The following SLC35D1 variants were observed in gnomAD, a reference collection of about 807,000 sequenced individuals.
SLC35D1 encodes nucleotide sugar transporter SLC35D1.
Under a neutral mutation model 46.7 loss-of-function variants are expected in SLC35D1, and 31 were observed. That is an observed-to-expected ratio of 0.66 (90% CI 0.50 to 0.90). The LOEUF (loss-of-function observed/expected upper bound fraction) is 0.90. Among genes scored for constraint, SLC35D1 ranks in the 40% least tolerant of loss-of-function variants. SLC35D1 has a pLI of 0.00. For synonymous variants in SLC35D1, 195 were observed against 164.6 expected, an observed-to-expected ratio of 1.18 and a Z score of -1.41; for missense variants, 397 against 426.2, an observed-to-expected ratio of 0.93 and a Z score of 0.60.
chr1:67,054,099 G>A lies in SLC35D1; in HGVS notation c.-86C>T, dbSNP rs1222974653. 5 of 1,409,838 alleles carry A rather than the reference G, an allele frequency of 3.5e-6. No individual in the cohort carries two copies. In the Admixed American group the frequency reaches 9.6e-5, roughly 27 times the overall value. The allele number at this position is 1,409,838 out of a possible 1,614,324, so 87.3% of individuals were successfully genotyped here. A position where few individuals can be genotyped will look rare whatever the true frequency, so the allele number is the denominator to read the frequency against. On this transcript the variant is annotated 5_prime_UTR_variant, in exon 1 of 12. Coordinates refer to ENST00000235345, the MANE Select transcript of SLC35D1 (RefSeq NM_015139.3). ...AGCTCCCAGGGGACTCCAGGAGTTG[G>A]GGACCGCAGACTAGGCCAGCTGCGC...
At chr1:66,984,670 C>T in the SLC35D1 span, 10 of 1,613,848 alleles carry the variant, frequency 6.2e-6, no homozygotes, top group African/African-American at 8.0e-5. Flanking sequence ...TAAGAAACCA[C>T]TTCATGCAGA....
intron 8 of SLC35D1, among the ~76,000 whole-genome samples, chr1:67,041,796 T>C (rs947458288): frequency 6.6e-6 from 1 of 152,104 alleles, no homozygotes; most frequent in African/African-American, 2.4e-5. Flanking sequence ...AAAAACAAGT[T>C]GGGAGTTAAA....
chr1:67,051,029 T>C (rs1172578634), intron 4 of SLC35D1, among the ~76,000 whole-genome samples: 9 of 152,196 alleles, frequency 5.9e-5, no homozygotes, highest in Admixed American at 2.0e-4. Flanking sequence ...TATACTTAGC[T>C]GGCAATCAAA....
At chr1:67,027,062 C>T (rs572210245) in intron 8 of SLC35D1, among the ~76,000 whole-genome samples, 1 of 152,308 alleles carries the variant, frequency 6.6e-6, no homozygotes, top group Non-Finnish European at 1.5e-5. Flanking sequence ...ATATCAATTA[C>T]TTAACAGAGT....
the SLC35D1 span, among the ~76,000 whole-genome samples, chr1:66,991,118 C>T: frequency 0.039 from 5,986 of 152,242 alleles, 148 homozygotes; most frequent in Non-Finnish European, 0.054. Flanking sequence ...GTAGTATAAA[C>T]GTGTTTTCAT....
chr1:66,982,946 C>T, the SLC35D1 span, among the ~76,000 whole-genome samples: 1 of 152,192 alleles, frequency 6.6e-6, no homozygotes, highest in Non-Finnish European at 1.5e-5. Flanking sequence ...TTGGGACTAA[C>T]CGTATAGGCT....
chr1:66,979,212 C>T, the SLC35D1 span, among the ~76,000 whole-genome samples: 1 of 152,016 alleles, frequency 6.6e-6, no homozygotes, highest in African/African-American at 2.4e-5. Context: ...ACATTTCTTT[C>T]CAGATGGGGA....
chr1:66,992,653 C>A, the SLC35D1 span, among the ~76,000 whole-genome samples: 3 of 152,208 alleles, frequency 2.0e-5, no homozygotes, highest in Non-Finnish European at 2.9e-5. Flanking sequence ...ATGGGCTTAA[C>A]CCTTGTCCAG....
chr1:67,035,101 T>C (rs1329179639), intron 8 of SLC35D1, among the ~76,000 whole-genome samples: 1 of 152,106 alleles, frequency 6.6e-6, no homozygotes, highest in East Asian at 1.9e-4. Context: ...TCCACTACTA[T>C]TCATCAGTGA....
At chr1:67,004,491 G>A (rs370176082) in intron 11 of SLC35D1, 43 bp from the exon 12 acceptor site, 72 of 1,560,532 alleles carry the variant, frequency 4.6e-5, no homozygotes, top group Non-Finnish European at 6.2e-5. Context: ...GGAAGGGAGG[G>A]TTTTAGTGTA....
chr1:67,033,122 C>T (rs1201578487), intron 8 of SLC35D1, among the ~76,000 whole-genome samples: 1 of 152,134 alleles, frequency 6.6e-6, no homozygotes, highest in Non-Finnish European at 1.5e-5. Flanking sequence ...ATATGTACCA[C>T]ATTTTCTTTA....
chr1:67,010,665 C>T (rs1471414678), intron 10 of SLC35D1, among the ~76,000 whole-genome samples: 1 of 152,096 alleles, frequency 6.6e-6, no homozygotes, highest in Non-Finnish European at 1.5e-5. Context: ...TTGAATATCT[C>T]AAATTAAAAA....
the SLC35D1 span, chr1:66,976,460 A>T: frequency 1.6e-6 from 1 of 627,182 alleles, no homozygotes; most frequent in Non-Finnish European, 2.5e-6. Context: ...CATAGCTGCT[A>T]CACTGTTGTA....
chr1:67,021,469 G>T, intron 9 of SLC35D1, 66 bp downstream of exon 9: 2 of 1,482,624 alleles, frequency 1.3e-6, no homozygotes, highest in Non-Finnish European at 1.9e-6. Context: ...GAGAAAAGAG[G>T]CATGCAAATT....
chr1:67,013,157 G>GATAGATAGATAT (rs1553264879), intron 10 of SLC35D1, among the ~76,000 whole-genome samples: 3 of 29,834 alleles, frequency 1.0e-4, no homozygotes, highest in African/African-American at 5.4e-4. Flanking sequence ...ATATCCTGGA[G>GATAGATAGATAT]ATATATATAT....
At chr1:67,046,420 G>A (rs1645251594) in intron 7 of SLC35D1, among the ~76,000 whole-genome samples, 1 of 151,878 alleles carries the variant, frequency 6.6e-6, no homozygotes, top group South Asian at 2.1e-4. Context: ...TCTGACTAAA[G>A]AGAAAATATG....
At chr1:67,014,566 A>C (rs1667639515) in intron 10 of SLC35D1, among the ~76,000 whole-genome samples, 1 of 151,996 alleles carries the variant, frequency 6.6e-6, no homozygotes. Context: ...CACAAATTAA[A>C]TAGGCCCAAA....
chr1:67,034,492 C>T (rs576174618), intron 8 of SLC35D1, among the ~76,000 whole-genome samples: 5 of 151,990 alleles, frequency 3.3e-5, no homozygotes, highest in Non-Finnish European at 5.9e-5. Context: ...CTTTTCAAAT[C>T]GTTTGCTATA....
chr1:66,973,928 A>G, the SLC35D1 span, among the ~76,000 whole-genome samples: 2 of 152,072 alleles, frequency 1.3e-5, no homozygotes, highest in African/African-American at 2.4e-5. Context: ...GGCTCTGAAT[A>G]GTCTTCTGCC....
Sources: allele counts gnomAD v4.1 joint callset (sites outside exome capture counted in the v4.1 genomes callset), GRCh38; gene constraint gnomAD v4.1.1; transcripts MANE v1.5; gene names NCBI Gene and HGNC (gene_info 2026-07-23, HGNC 2026-07-21).